Variants in TXNRD1 observed in about 807,000 individuals in gnomAD.
The protein encoded by TXNRD1 is thioredoxin reductase 1, cytoplasmic.
A neutral mutation model predicts 80.3 loss-of-function variants in TXNRD1; 57 were observed. That is an observed-to-expected ratio of 0.71 (90% CI 0.57 to 0.89). TXNRD1 has a LOEUF of 0.89. TXNRD1 is among the 40% of genes least tolerant of loss of function. The pLI, the probability that TXNRD1 is intolerant of heterozygous loss-of-function variation, is 0.00. For synonymous variants in TXNRD1, 291 were observed against 285.2 expected, an observed-to-expected ratio of 1.02 and a Z score of -0.20; for missense variants, 730 against 803.0, an observed-to-expected ratio of 0.91 and a Z score of 1.10.
chr12:104,264,950 T>C (rs2033442445), intron 3 of TXNRD1, among the ~76,000 whole-genome samples: 1 of 152,074 alleles, frequency 6.6e-6, no homozygotes, highest in Non-Finnish European at 1.5e-5. Flanking sequence ...TACTTAGTAG[T>C]AAGAAATAAT....
At chr12:104,272,169 C>T (rs895581078) in intron 3 of TXNRD1, among the ~76,000 whole-genome samples, 5 of 152,260 alleles carry the variant, frequency 3.3e-5, no homozygotes, top group Admixed American at 1.3e-4. Flanking sequence ...TAGAAGGGTG[C>T]GCCCTTACAG....
intron 4 of TXNRD1, among the ~76,000 whole-genome samples, chr12:104,296,376 A>T (rs1228231241): frequency 6.6e-6 from 1 of 150,914 alleles, no homozygotes; most frequent in African/African-American, 2.5e-5. Flanking sequence ...CTGGGCTTCT[A>T]AAAAAAAATA....
intron 3 of TXNRD1, among the ~76,000 whole-genome samples, chr12:104,277,494 T>C (rs2033781160): frequency 6.6e-6 from 1 of 151,876 alleles, no homozygotes; most frequent in Admixed American, 6.6e-5. Context: ...ACCCAGGAGT[T>C]TGAGGCTGTG....
At chr12:104,327,104 A>G (rs2035792963) in intron 12 of TXNRD1, among the ~76,000 whole-genome samples, 1 of 152,178 alleles carries the variant, frequency 6.6e-6, no homozygotes, top group South Asian at 2.1e-4. Context: ...GCCTGGCCGA[A>G]TTTTAGATTT....
At chr12:104,265,720 C>T in intron 3 of TXNRD1, 3 of 1,599,392 alleles carry the variant, frequency 1.9e-6, no homozygotes, top group East Asian at 2.2e-5. Context: ...CAGCAAGTGC[C>T]GCCGGCCGGC....
intron 1 of TXNRD1, among the ~76,000 whole-genome samples, chr12:104,223,696 C>T (rs572772821): frequency 2.6e-5 from 4 of 152,158 alleles, no homozygotes; most frequent in Admixed American, 1.3e-4. Flanking sequence ...AAAGCTAAAC[C>T]GGGAGGTGAC....
chr12:104,265,250 TAAAAA>T, intron 3 of TXNRD1: 3 of 1,236,550 alleles, frequency 2.4e-6, no homozygotes, highest in Admixed American at 2.5e-5. Flanking sequence ...GACTCCGTCT[TAAAAA>T]AAAAAAAAAA....
chr12:104,221,522 T>C (rs926970034), intron 1 of TXNRD1, among the ~76,000 whole-genome samples: 2 of 152,108 alleles, frequency 1.3e-5, no homozygotes, highest in Non-Finnish European at 2.9e-5. Context: ...TTCTCCATGT[T>C]GGTCAGGTTG....
Position 104,290,720 on chromosome 12 carries a change from CATATATATATAT to C in TXNRD1, c.414+1707_414+1718del, listed in dbSNP as rs58669975. Among the ~76,000 whole-genome samples, 380 of 55,858 alleles carry C rather than the reference CATATATATATAT, an allele frequency of 6.8e-3. 7 individuals carry two copies. Among genetic ancestry groups the C allele is most frequent in the East Asian group, 0.034 (52 of 1,510 alleles). The allele number at this position is 55,858 out of a possible 152,430, so 36.6% of individuals were successfully genotyped here. On this transcript the variant is annotated intron_variant, in intron 4 of 16. Transcript: ENST00000525566. ...TCAAAAAAAAAAAAAAAGAAATATA[CATATATATATAT>C]ATATATATATATATATATATATATA...
intron 4 of TXNRD1, among the ~76,000 whole-genome samples, chr12:104,295,648 C>T (rs1398065052): frequency 3.3e-5 from 5 of 152,196 alleles, no homozygotes; most frequent in Admixed American, 6.5e-5. Flanking sequence ...TTTATTTCAA[C>T]ACCTGTCTTC....
intron 3 of TXNRD1, among the ~76,000 whole-genome samples, chr12:104,258,612 G>A (rs2033302364): frequency 6.6e-6 from 1 of 152,064 alleles, no homozygotes; most frequent in African/African-American, 2.4e-5. Context: ...AATCCCAAGG[G>A]CTCACAGACA....
intron 7 of TXNRD1, 80 bp from the exon 8 acceptor site, chr12:104,318,833 T>C: frequency 6.7e-7 from 1 of 1,502,248 alleles, no homozygotes; most frequent in African/African-American, 1.4e-5. Flanking sequence ...TCCCTGTATT[T>C]CACTTGAGTG....
At chr12:104,255,388 T>A (rs762576988) in intron 2 of TXNRD1, among the ~76,000 whole-genome samples, 11 of 152,176 alleles carry the variant, frequency 7.2e-5, no homozygotes, top group Non-Finnish European at 1.2e-4. Context: ...CTCCTGCCTA[T>A]CCCTGAAAAT....
At chr12:104,301,424 G>A (rs570198445) in intron 4 of TXNRD1, among the ~76,000 whole-genome samples, 30 of 152,202 alleles carry the variant, frequency 2.0e-4, no homozygotes, top group African/African-American at 6.3e-4. Context: ...TGCAAGCTCC[G>A]TCTCCTGGGT....
In TXNRD1 at chr12:104,350,095, T is replaced by C. The variant is rs2036599353; in HGVS notation, c.*1674T>C. On this transcript the variant is annotated 3_prime_UTR_variant, in exon 17 of 17. Transcript: ENST00000525566. Reference sequence around the variant, plus strand: ...TAATCAGGCCTAATCATGTTGTGATTCTCTTTTCTTAGTGGAGTGGAATGT... The same window carrying C: ...TAATCAGGCCTAATCATGTTGTGATCCTCTTTTCTTAGTGGAGTGGAATGT... 6.6e-6 allele frequency: 1 copy of C among 152,206 alleles called. No individual in the cohort carries two copies. The highest frequency in any genetic ancestry group is 2.4e-5 in the African/African-American group (1 of 41,440). The allele number at this position is 152,206 out of a possible 1,614,324, so 9.4% of individuals were successfully genotyped here.
Position 104,269,716 on chromosome 12 carries a change from C to T in TXNRD1, c.304+11637C>T, listed in dbSNP as rs140612419. On this transcript the variant is annotated intron_variant, in intron 3 of 16. Transcript: ENST00000525566. Reference sequence around the variant, plus strand: ...CCAAGTAGCTGGGACTACAGGCACGCGACACCATGCCCAGCTAATTTTTTT... The same window carrying T: ...CCAAGTAGCTGGGACTACAGGCACGTGACACCATGCCCAGCTAATTTTTTT... Among the ~76,000 whole-genome samples, 51 of 152,106 alleles carry T rather than the reference C, an allele frequency of 3.4e-4. 1 individual carries two copies. Among genetic ancestry groups the T allele is most frequent in the African/African-American group, 1.0e-3 (42 of 41,500 alleles).
Position 104,313,278 on chromosome 12 carries a change from C to G in TXNRD1, c.571C>G (p.Leu191Val), listed in dbSNP as rs757803357. 1.3e-5 allele frequency: 20 copies of G among 1,592,418 alleles called. No homozygotes were observed. Among genetic ancestry groups the G allele is most frequent in the Non-Finnish European group, 1.7e-5 (20 of 1,168,096 alleles). Residue 191 changes from leucine (L) to valine (V), a missense_variant, in exon 6 of 17, where the codon CTG becomes GTG. By Grantham distance (32) the Leu-to-Val change is conservative. Transcript: ENST00000525566. ...CCAATATGGCAAGAAGGTGATGGTC[C>G]TGGACTTTGTCACTCCCACCCCTCT... ...AAQYGKKVMV[L>V]DFVTPTPLGT...
chr12:104,303,013 C>T (rs2034702739), intron 4 of TXNRD1, among the ~76,000 whole-genome samples: 1 of 152,198 alleles, frequency 6.6e-6, no homozygotes, highest in African/African-American at 2.4e-5. Context: ...ACTACCCATT[C>T]AGTGTCGGTG....
intron 3 of TXNRD1, chr12:104,265,441 T>G: frequency 6.2e-7 from 1 of 1,604,186 alleles, no homozygotes; most frequent in South Asian, 1.1e-5. Flanking sequence ...GTCCCGCTTC[T>G]GGTACTTTGT....
Sources: allele counts gnomAD v4.1 joint callset (sites outside exome capture counted in the v4.1 genomes callset), GRCh38; gene constraint gnomAD v4.1.1; transcripts MANE v1.5; gene names NCBI Gene and HGNC (gene_info 2026-07-23, HGNC 2026-07-21).